The following KIF7 variants were observed in gnomAD, a reference collection of about 807,000 sequenced individuals.
The protein encoded by KIF7 is kinesin-like protein KIF7.
Under a neutral mutation model 135.7 loss-of-function variants are expected in KIF7, and 104 were observed. The ratio of observed to expected loss-of-function variants is 0.77; its 90% CI spans 0.65 to 0.90. KIF7 has a LOEUF of 0.90. KIF7 is among the 40% of genes least tolerant of loss of function. The probability of loss-of-function intolerance (pLI) is 0.00; values close to 1 mark genes in which losing one functional copy is unlikely to be tolerated. For missense variants in KIF7, 2,005 were observed against 1,839.1 expected (o/e 1.09, Z -1.65); for synonymous variants, 883 against 809.4 (o/e 1.09, Z -1.54).
downstream of KIF7, chr15:89,625,510 A>C (rs752972505): frequency 6.2e-7 from 1 of 1,613,888 alleles, no homozygotes; most frequent in Non-Finnish European, 8.5e-7. Context: ...CAGGACGCCC[A>C]TCTTGGAGGA....
intron 14 of KIF7, among the ~76,000 whole-genome samples, chr15:89,632,020 G>A (rs12591347): frequency 0.29 from 43,913 of 152,154 alleles, 7,552 homozygotes; most frequent in South Asian, 0.42. Context: ...TGAGATGACC[G>A]GACTGGACAG....
rs1964059288 is a variant in KIF7, at chr15:89,648,494, C to T, written c.1204G>A (p.Ala402Thr). ...GCGCACTCGGCGCCCAGGCGCATGGCGGCCGCCGCGGAGGCGGTGGCTGGG... is the reference window on the plus strand; with the variant it reads ...GCGCACTCGGCGCCCAGGCGCATGGTGGCCGCCGCGGAGGCGGTGGCTGGG... Reference protein sequence around the residue: ...PGPATASAAAAMRLGAECARY... With the variant: ...PGPATASAAATMRLGAECARY... The change falls in exon 5 of 19, where the codon GCC becomes ACC. Residue 402 changes from alanine to threonine, a missense_variant. Transcript: ENST00000394412. 1 of 1,040,228 alleles carries T rather than the reference C, an allele frequency of 9.6e-7. No homozygotes were observed. Among genetic ancestry groups the T allele is most frequent in the Non-Finnish European group, 1.2e-6 (1 of 864,976 alleles). The allele number at this position is 1,040,228 out of a possible 1,614,324, so 64.4% of individuals were successfully genotyped here.
chr15:89,653,062 T>C lies in KIF7; in HGVS notation c.-24-108A>G, dbSNP rs1163908412. On this transcript the variant is annotated intron_variant, in intron 1 of 18. Coordinates refer to ENST00000394412, the MANE Select transcript of KIF7 (RefSeq NM_198525.3). Reference sequence around the variant, plus strand: ...CCTGCAGCTCCTGACCTTGGAGGGATTGGGGGAGGGTGGTCAAAGTTCACA... The same window carrying C: ...CCTGCAGCTCCTGACCTTGGAGGGACTGGGGGAGGGTGGTCAAAGTTCACA... 1.1e-5 allele frequency: 10 copies of C among 904,228 alleles called. No individual in the cohort carries two copies. The Middle Eastern group carries it at 1.1e-3, about 95-fold the overall frequency. The allele number at this position is 904,228 out of a possible 1,614,324, so 56.0% of individuals were successfully genotyped here.
chr15:89,618,122 G>A (rs754984889), exon 2 of KIF7: 1 of 1,606,328 alleles, frequency 6.2e-7, no homozygotes. Flanking sequence ...AAGTGGTATG[G>A]AGTAATCCTT....
At chr15:89,622,002 T>TTTG (rs1167474549) in intron 1 of KIF7, among the ~76,000 whole-genome samples, 10 of 149,888 alleles carry the variant, frequency 6.7e-5, no homozygotes, top group Non-Finnish European at 1.2e-4. Context: ...TTTTTTTTTT[T>TTTG]TGGAGACAGA....
chr15:89,627,348 A>G (rs1339832839), downstream of KIF7: 1 of 429,838 alleles, frequency 2.3e-6, no homozygotes, highest in South Asian at 4.5e-5. Context: ...AGGAACCCAG[A>G]CAAGGAATCC....
Position 89,648,714 on chromosome 15 carries a change from A to C in KIF7, c.984T>G (p.Pro328=). The part of the protein sequence containing the change: ...AKTVMIACVS[P]SSSDFDETLN... ...GGGTCTCGTCGAAGTCGGAGGAGGA[A>C]GGGCTGACGCAGGCGATCATCACCG... Residue 328 remains proline, a synonymous_variant, in exon 5 of 19, where the codon CCT becomes CCG. Transcript: ENST00000394412. 6.5e-7 allele frequency: 1 copy of C among 1,536,250 alleles called. No individual in the cohort carries two copies. Among genetic ancestry groups the C allele is most frequent in the Non-Finnish European group, 8.7e-7 (1 of 1,146,488 alleles).
upstream of KIF7, among the ~76,000 whole-genome samples, chr15:89,657,154 A>C (rs1237232203): frequency 6.6e-6 from 1 of 152,068 alleles, no homozygotes; most frequent in Non-Finnish European, 1.5e-5. Flanking sequence ...AAAAATGCAA[A>C]ACATAGGCAG....
At chr15:89,624,381 TC>T, downstream of KIF7, 1 of 1,614,092 alleles carries the variant, frequency 6.2e-7, no homozygotes, top group Non-Finnish European at 8.5e-7. Context: ...CCTGCCCTGT[TC>T]CCTCAACTCC....
intron 11 of KIF7, 21 bp downstream of exon 11, chr15:89,642,182 C>T (rs753731143): frequency 1.9e-6 from 3 of 1,607,962 alleles, no homozygotes; most frequent in Non-Finnish European, 2.5e-6. Context: ...CAGCACCCCA[C>T]CCTGAGGCCC....
At chr15:89,618,122 G>C (rs754984889) in exon 2 of KIF7, 2 of 1,606,210 alleles carry the variant, frequency 1.2e-6, no homozygotes, top group African/African-American at 1.3e-5. Context: ...AAGTGGTATG[G>C]AGTAATCCTT....
At chr15:89,633,350 G>A (rs1963728111) in intron 12 of KIF7, 84 bp from the exon 13 acceptor site, 1 of 1,518,336 alleles carries the variant, frequency 6.6e-7, no homozygotes. Context: ...GCCCCCAGGA[G>A]TGCCTGCCCA....
Position 89,633,190 on chromosome 15 carries a change from T to C in KIF7, c.2669A>G (p.Lys890Arg). The C allele has an allele frequency of 6.2e-7, 1 of 1,605,786 alleles. No individual in the cohort carries two copies. Among genetic ancestry groups the C allele is most frequent in the Non-Finnish European group, 8.5e-7 (1 of 1,179,142 alleles). ...KTEEIAAFQR[K>R]RRSGSNGSVV... Reference sequence around the variant, plus strand: ...AGAGCCGTTGCTGCCACTGCGCCTCTTCCTCTGGAATGCCGCGATCTCTTC... The same window carrying C: ...AGAGCCGTTGCTGCCACTGCGCCTCCTCCTCTGGAATGCCGCGATCTCTTC... Residue 890 changes from lysine (K) to arginine (R), a missense_variant, in exon 13 of 19, where the codon AAG becomes AGG. Transcript: ENST00000394412.
At chr15:89,654,231 G>A (rs990696982) in intron 1 of KIF7, among the ~76,000 whole-genome samples, 1 of 151,774 alleles carries the variant, frequency 6.6e-6, no homozygotes, top group Non-Finnish European at 1.5e-5. Flanking sequence ...GGATGGTCTC[G>A]ATCTCCTGAC....
rs1596078930 is a variant in KIF7 at position 89,649,262 on chromosome 15, T to G, written c.635A>C (p.His212Pro). The G allele has an allele frequency of 6.6e-7, 1 of 1,526,604 alleles. No individual in the cohort carries two copies. Among genetic ancestry groups the G allele is most frequent in the Non-Finnish European group, 8.8e-7 (1 of 1,131,728 alleles). The allele number at this position is 1,526,604 out of a possible 1,614,324, so 94.6% of individuals were successfully genotyped here. Residue 212 changes from histidine to proline, a missense_variant, in exon 4 of 19, where the codon CAC becomes CCC. Coordinates refer to ENST00000394412, the MANE Select transcript of KIF7 (RefSeq NM_198525.3). ...GACCGTGTGTGAGCGGCTAGACAGG[T>G]GGTTGAGGTGCGTGGCTCCCGTGTG... is the stretch of plus-strand genomic sequence containing the variant. ...ARHTGATHLN[H>P]LSSRSHTVFT... is the part of the protein sequence containing the mutation.
At chr15:89,637,952 C>G (rs1963844290) in intron 11 of KIF7, among the ~76,000 whole-genome samples, 1 of 106,772 alleles carries the variant, frequency 9.4e-6, no homozygotes, top group South Asian at 3.4e-4. Context: ...TCCAGCAGCA[C>G]ATCAAAAAGC....
At chr15:89,637,414 A>G (rs1963832095) in intron 11 of KIF7, among the ~76,000 whole-genome samples, 1 of 152,064 alleles carries the variant, frequency 6.6e-6, no homozygotes, top group African/African-American at 2.4e-5. Flanking sequence ...AAGGATCAAC[A>G]AAATTGATAG....
intron 18 of KIF7, 30 bp downstream of exon 18, chr15:89,628,946 G>A: frequency 6.2e-7 from 1 of 1,613,900 alleles, no homozygotes. Flanking sequence ...AAGGGAACAG[G>A]TCTGACTTCA....
chr15:89,626,699 A>G (rs1963534469), downstream of KIF7, among the ~76,000 whole-genome samples: 1 of 152,194 alleles, frequency 6.6e-6, no homozygotes, highest in East Asian at 1.9e-4. Flanking sequence ...AATACAGGAT[A>G]TTAACCTGAG....
Sources: allele counts gnomAD v4.1 joint callset (sites outside exome capture counted in the v4.1 genomes callset), GRCh38; gene constraint gnomAD v4.1.1; transcripts MANE v1.5; gene names NCBI Gene and HGNC (gene_info 2026-07-23, HGNC 2026-07-21).